The following ADGRG2 variants were observed in gnomAD, a reference collection of about 807,000 sequenced individuals.
The protein encoded by ADGRG2 is G protein-coupled receptor 64.
Under a neutral mutation model 74.1 loss-of-function variants are expected in ADGRG2, and 26 were observed. The ratio of observed to expected loss-of-function variants is 0.35; its 90% CI spans 0.26 to 0.49. The LOEUF (loss-of-function observed/expected upper bound fraction) is 0.49. Ranked by LOEUF, ADGRG2 falls within the 20% of genes least tolerant of loss-of-function variation. The pLI is 0.99. For missense variants in ADGRG2, 619 were observed against 763.1 expected, an observed-to-expected ratio of 0.81 and a Z score of 2.22; for synonymous variants, 296 against 295.2, an observed-to-expected ratio of 1.00 and a Z score of -0.03.
chrX:19,021,619 T>C (rs990649558), intron 13 of ADGRG2, among the ~76,000 whole-genome samples: 1 of 111,464 alleles, frequency 9.0e-6, no homozygotes, highest in African/African-American at 3.3e-5. Context: ...CCCTTTCACA[T>C]ACCAGTCTAG....
At chrX:19,053,088 G>C (rs184352076) in intron 3 of ADGRG2, among the ~76,000 whole-genome samples, 3 of 111,486 alleles carry the variant, frequency 2.7e-5, no homozygotes, top group African/African-American at 9.8e-5. Context: ...TAGAACTTCT[G>C]CATCTTCCCA....
chrX:19,052,930 G>A (rs1041375909), intron 3 of ADGRG2, among the ~76,000 whole-genome samples: 1 of 111,371 alleles, frequency 9.0e-6, no homozygotes, highest in African/African-American at 3.3e-5. Context: ...CCTGACCTCA[G>A]GTGATCCGCT....
chrX:19,092,505 G>C (rs1324085258), intron 1 of ADGRG2, among the ~76,000 whole-genome samples: 1 of 110,760 alleles, frequency 9.0e-6, no homozygotes, highest in Non-Finnish European at 1.9e-5. Context: ...GGCAGGAGGG[G>C]GAGAGGAAAC....
In ADGRG2 at chrX:18,999,967, G is replaced by T; in HGVS notation, c.2231-7C>A. The T allele has an allele frequency of 1.1e-5, 11 of 966,414 alleles. No individual in the cohort carries two copies. Among genetic ancestry groups the T allele is most frequent in the African/African-American group, 1.9e-5 (1 of 51,899 alleles). 79.6% of individuals were successfully genotyped at this position (966,414 alleles called of 1,213,427 possible). Reference sequence around the variant, plus strand: ...ACAACCACAGCTGGTACCCCTGGAAGATGGGAAACATTGGTCACACCTAAT... The same window carrying T: ...ACAACCACAGCTGGTACCCCTGGAATATGGGAAACATTGGTCACACCTAAT... On this transcript the variant is annotated splice_polypyrimidine_tract_variant and splice_region_variant and intron_variant, in intron 24 of 28. Transcript: ENST00000379869.
chrX:19,077,996 T>C (rs770371331), intron 2 of ADGRG2, among the ~76,000 whole-genome samples: 2 of 112,028 alleles, frequency 1.8e-5, no homozygotes, highest in South Asian at 7.4e-4. Context: ...AATATTTGAA[T>C]CACACATTTA....
At chrX:19,033,573 T>G in intron 8 of ADGRG2, 40 bp downstream of exon 8, 2 of 600,089 alleles carry the variant, frequency 3.3e-6, no homozygotes, top group Non-Finnish European at 5.5e-6. Flanking sequence ...TTTACTTTAG[T>G]TATAAAAAGG....
chrX:19,081,194 C>T (rs923442111), intron 2 of ADGRG2, among the ~76,000 whole-genome samples: 1 of 111,383 alleles, frequency 9.0e-6, no homozygotes, highest in Non-Finnish European at 1.9e-5. Context: ...AAGCAGAACA[C>T]AATAGCCTCT....
At chrX:19,118,868 G>A (rs1450311601) in intron 1 of ADGRG2, among the ~76,000 whole-genome samples, 1 of 112,639 alleles carries the variant, frequency 8.9e-6, no homozygotes, top group Non-Finnish European at 1.9e-5. Context: ...GCAACAGTAA[G>A]GAATGAAGTA....
At chrX:19,060,022 C>T (rs1445517507) in intron 3 of ADGRG2, among the ~76,000 whole-genome samples, 4 of 111,964 alleles carry the variant, frequency 3.6e-5, no homozygotes, top group Non-Finnish European at 7.5e-5. Flanking sequence ...ATCCCAGCTA[C>T]TCGGGAGGCT....
chrX:19,054,495 A>G (rs1405962053), intron 3 of ADGRG2, among the ~76,000 whole-genome samples: 2 of 112,220 alleles, frequency 1.8e-5, no homozygotes, highest in East Asian at 2.8e-4. Flanking sequence ...ACAGAAAAAT[A>G]TAAGGAAAAA....
chrX:19,002,426 G>A (rs1339526917), intron 24 of ADGRG2, among the ~76,000 whole-genome samples: 3 of 112,145 alleles, frequency 2.7e-5, no homozygotes, highest in Middle Eastern at 4.2e-3. Context: ...ACTGTCATAC[G>A]TGTCTGATAT....
intron 11 of ADGRG2, among the ~76,000 whole-genome samples, chrX:19,024,387 G>C (rs181028202): frequency 6.1e-4 from 68 of 111,109 alleles, no homozygotes; most frequent in African/African-American, 2.2e-3. Context: ...CCTCTCCAAC[G>C]CTGCCTTCCC....
chrX:19,014,017 A>G lies in ADGRG2; in HGVS notation c.768T>C (p.Ser256=), dbSNP rs769132406. 1 of 1,206,345 alleles carries G rather than the reference A, an allele frequency of 8.3e-7. No individual in the cohort carries two copies. Among genetic ancestry groups the G allele is most frequent in the African/African-American group, 1.8e-5 (1 of 56,805 alleles). The part of the protein sequence containing the change: ...LADHPRGPPF[S]SSQSIPVVPR... ...GCACCACTGGGATGGATTGGCTGGA[A>G]GAAAATGGTGGGCCACGTGGATGGT... Residue 256 remains serine, a synonymous_variant, in exon 16 of 29, where the codon TCT becomes TCC. Transcript: ENST00000379869.
chrX:19,118,886 G>A (rs1186407263), intron 1 of ADGRG2, among the ~76,000 whole-genome samples: 2 of 112,376 alleles, frequency 1.8e-5, no homozygotes, highest in Non-Finnish European at 3.8e-5. Context: ...GTATTGATCC[G>A]TGCAACATAG....
At chrX:19,083,552 G>A (rs1417519384) in intron 1 of ADGRG2, among the ~76,000 whole-genome samples, 1 of 110,649 alleles carries the variant, frequency 9.0e-6, no homozygotes, top group Non-Finnish European at 1.9e-5. Context: ...AGGCAGAATT[G>A]TTTCTCCACT....
intron 1 of ADGRG2, among the ~76,000 whole-genome samples, chrX:19,084,673 T>C (rs1007215841): frequency 4.5e-5 from 5 of 112,246 alleles, no homozygotes; most frequent in Non-Finnish European, 3.8e-5. Context: ...ATTTTCCACA[T>C]AGGGATTTCT....
At chrX:19,082,072 CA>C (rs57534658) in intron 2 of ADGRG2, among the ~76,000 whole-genome samples, 1,602 of 20,869 alleles carry the variant, frequency 0.077, 14 homozygotes, top group African/African-American at 0.22. Flanking sequence ...GACCCTGTCT[CA>C]AAAAAAAAAA....
intron 1 of ADGRG2, among the ~76,000 whole-genome samples, chrX:19,109,329 A>C (rs1336082341): frequency 2.7e-5 from 3 of 112,037 alleles, no homozygotes; most frequent in Admixed American, 9.6e-5. Flanking sequence ...TCTGTCAAAA[A>C]GCGAATCATC....
chrX:19,112,696 T>TC (rs1256368364), intron 1 of ADGRG2, among the ~76,000 whole-genome samples: 1 of 105,806 alleles, frequency 9.5e-6, no homozygotes, highest in African/African-American at 3.5e-5. Flanking sequence ...CACCTGTCTG[T>TC]AATCCCAGCA....
Sources: allele counts gnomAD v4.1 joint callset (sites outside exome capture counted in the v4.1 genomes callset), GRCh38; gene constraint gnomAD v4.1.1; transcripts MANE v1.5; gene names NCBI Gene and HGNC (gene_info 2026-07-23, HGNC 2026-07-21).